Variants in RBFOX3 observed in about 807,000 individuals in gnomAD.
RBFOX3 encodes RNA binding fox-1 homolog 3.
RBFOX3 carries 17 observed loss-of-function variants against 48.7 expected under a neutral mutation model. The observed-to-expected ratio is 0.35, with a 90% CI of 0.24 to 0.52. The LOEUF is 0.52. RBFOX3 is among the 20% of genes least tolerant of loss of function. The pLI is 0.94. For synonymous variants in RBFOX3, 212 were observed against 209.5 expected (o/e 1.01, Z -0.10); for missense variants, 382 against 497.5 (o/e 0.77, Z 2.21).
In RBFOX3 at chr17:79,101,151, G is replaced by GC. The variant is rs199664886; in HGVS notation, c.568+432dup. ...AGAGAGGTCTAGAAGCTCATCCAAGGCCCCCCGTGCCCTCACTGCCCTCCC... is the reference window on the plus strand; with the variant it reads ...AGAGAGGTCTAGAAGCTCATCCAAGGCCCCCCCGTGCCCTCACTGCCCTCCC... On this transcript the variant is annotated intron_variant, in intron 9 of 14. Transcript: ENST00000693108. Among the ~76,000 whole-genome samples, 73 of 152,222 alleles carry GC rather than the reference G, an allele frequency of 4.8e-4. 1 individual carries two copies. The East Asian group carries it at 0.013, about 27-fold the overall frequency.
intron 2 of RBFOX3, among the ~76,000 whole-genome samples, chr17:79,426,865 C>T (rs782192973): frequency 1.1e-4 from 17 of 152,000 alleles, no homozygotes; most frequent in Non-Finnish European, 1.8e-4. Flanking sequence ...CCACCATGCC[C>T]GGGTAATTTT....
In RBFOX3 at chr17:79,546,610, T is replaced by C. The variant is rs1023653257; in HGVS notation, c.-319-64012A>G. 9.2e-5 allele frequency among the ~76,000 whole-genome samples: 14 copies of C among 151,742 alleles called. No homozygotes were observed. The East Asian group carries it at 9.7e-4, about 10-fold the overall frequency. On this transcript the variant is annotated intron_variant, in intron 1 of 14. Transcript: ENST00000693108. Reference sequence around the variant, plus strand: ...TCCCAGCTGCACCAGAAGCAGCACATGGCTTGGTTCCCTCCCATTCCCATC... The same window carrying C: ...TCCCAGCTGCACCAGAAGCAGCACACGGCTTGGTTCCCTCCCATTCCCATC...
At chr17:79,280,566 C>T (rs147699838) in intron 3 of RBFOX3, among the ~76,000 whole-genome samples, 75 of 152,342 alleles carry the variant, frequency 4.9e-4, no homozygotes, top group African/African-American at 1.6e-3. Context: ...GGAATGTCTT[C>T]GGAGTGAGCT....
intron 4 of RBFOX3, among the ~76,000 whole-genome samples, chr17:79,140,787 G>A (rs2041765261): frequency 6.6e-6 from 1 of 152,264 alleles, no homozygotes. Flanking sequence ...TGCTGGGCAT[G>A]CCATCCATCC....
chr17:79,465,375 G>T (rs2076170847), intron 2 of RBFOX3, among the ~76,000 whole-genome samples: 1 of 152,058 alleles, frequency 6.6e-6, no homozygotes, highest in African/African-American at 2.4e-5. Flanking sequence ...ACAATCTCAC[G>T]CAATCCTGTT....
At chr17:79,331,944 G>A (rs894917891) in intron 2 of RBFOX3, among the ~76,000 whole-genome samples, 4 of 152,214 alleles carry the variant, frequency 2.6e-5, no homozygotes, top group Admixed American at 2.6e-4. Flanking sequence ...TGGTAGAGAC[G>A]TGCACCCCAC....
At chr17:79,465,148 G>C (rs528263391) in intron 2 of RBFOX3, among the ~76,000 whole-genome samples, 2 of 152,030 alleles carry the variant, frequency 1.3e-5, no homozygotes, top group African/African-American at 4.8e-5. Context: ...TCAGACCCTC[G>C]AGCCGATGAA....
At chr17:79,455,583 GCACA>G (rs144186260) in intron 2 of RBFOX3, among the ~76,000 whole-genome samples, 98 of 152,100 alleles carry the variant, frequency 6.4e-4, no homozygotes, top group African/African-American at 2.3e-3. Context: ...ACGGGTGTGT[GCACA>G]CACACACACG....
At chr17:79,441,142 G>A (rs564818366) in intron 2 of RBFOX3, among the ~76,000 whole-genome samples, 116 of 152,322 alleles carry the variant, frequency 7.6e-4, no homozygotes, top group Non-Finnish European at 1.4e-3. Context: ...AAGAGAAATC[G>A]CCTGGGGCAG....
chr17:79,258,843 C>T lies in RBFOX3; in HGVS notation c.-73-23038G>A, dbSNP rs149014533. Among the ~76,000 whole-genome samples the T allele has an allele frequency of 3.2e-3, 494 of 152,322 alleles. 1 individual carries two copies. Among genetic ancestry groups the T allele is most frequent in the Non-Finnish European group, 5.1e-3 (349 of 68,026 alleles). On this transcript the variant is annotated intron_variant, in intron 3 of 14. Transcript: ENST00000693108. The stretch of plus-strand genomic sequence containing the variant: ...TGCCGATGACAGAGAGGGTCCTGCA[C>T]CTGGGCCACCTTGTACTTGACCCGG...
chr17:79,378,540 C>T (rs1460763016), intron 2 of RBFOX3, among the ~76,000 whole-genome samples: 2 of 152,332 alleles, frequency 1.3e-5, no homozygotes, highest in Non-Finnish European at 2.9e-5. Flanking sequence ...ATTGTGTTCA[C>T]AGACCCCAGG....
At chr17:79,290,228 C>T (rs2072974914) in intron 3 of RBFOX3, among the ~76,000 whole-genome samples, 1 of 151,966 alleles carries the variant, frequency 6.6e-6, no homozygotes, top group Admixed American at 6.6e-5. Flanking sequence ...TGAAGGAGGC[C>T]TCTTGGGAGG....
intron 4 of RBFOX3, among the ~76,000 whole-genome samples, chr17:79,127,626 C>T (rs2612787): frequency 0.23 from 34,232 of 152,060 alleles, 4,032 homozygotes; most frequent in African/African-American, 0.26. Context: ...TGCCCCCGAC[C>T]GGCGCCCTTG....
chr17:79,616,737 G>A, the RBFOX3 span, among the ~76,000 whole-genome samples: 1 of 152,000 alleles, frequency 6.6e-6, no homozygotes, highest in African/African-American at 2.4e-5. Context: ...ACCACTTAGG[G>A]AGAGCCCCAC....
At chr17:79,177,925 G>A (rs1001316138) in intron 4 of RBFOX3, among the ~76,000 whole-genome samples, 4 of 152,168 alleles carry the variant, frequency 2.6e-5, no homozygotes, top group Admixed American at 1.3e-4. Flanking sequence ...ATTTGTCCAC[G>A]TTGGGAGGAG....
chr17:79,532,646 C>T (rs891510156), intron 1 of RBFOX3, among the ~76,000 whole-genome samples: 7 of 152,350 alleles, frequency 4.6e-5, no homozygotes, highest in African/African-American at 1.4e-4. Flanking sequence ...CAGGAAGGAG[C>T]GGCCAGGGGC....
intron 3 of RBFOX3, among the ~76,000 whole-genome samples, chr17:79,289,973 C>T (rs2072909122): frequency 6.6e-6 from 1 of 152,118 alleles, no homozygotes; most frequent in South Asian, 2.1e-4. Context: ...GCCCTTGCCT[C>T]CAAACAGACA....
At chr17:79,570,356 T>A (rs1346974438) in intron 1 of RBFOX3, among the ~76,000 whole-genome samples, 1 of 152,070 alleles carries the variant, frequency 6.6e-6, no homozygotes, top group Non-Finnish European at 1.5e-5. Flanking sequence ...GGTGGATGGA[T>A]GAATGGTAGA....
chr17:79,141,385 G>T (rs1203313366), intron 4 of RBFOX3, among the ~76,000 whole-genome samples: 2 of 152,226 alleles, frequency 1.3e-5, no homozygotes, highest in African/African-American at 4.8e-5. Flanking sequence ...AGTTCACACA[G>T]GCAGAAGGCA....
Sources: allele counts gnomAD v4.1 joint callset (sites outside exome capture counted in the v4.1 genomes callset), GRCh38; gene constraint gnomAD v4.1.1; transcripts MANE v1.5; gene names NCBI Gene and HGNC (gene_info 2026-07-23, HGNC 2026-07-21).